The following KLHL1 variants were observed in gnomAD, a reference collection of about 807,000 sequenced individuals.
The protein encoded by KLHL1 is kelch-like protein 1.
In KLHL1, 47 loss-of-function variants were observed where a neutral mutation model predicts 77.7. That is an observed-to-expected ratio of 0.60 (90% confidence interval 0.48 to 0.77). The LOEUF (loss-of-function observed/expected upper bound fraction) is 0.77. KLHL1 is among the 30% of genes least tolerant of loss of function. KLHL1 has a pLI of 0.00. For missense variants in KLHL1, 925 were observed against 910.8 expected, an observed-to-expected ratio of 1.02 and a Z score of -0.20; for synonymous variants, 360 against 325.2, an observed-to-expected ratio of 1.11 and a Z score of -1.15.
intron 1 of KLHL1, among the ~76,000 whole-genome samples, chr13:70,106,339 A>G (rs1313153033): frequency 6.6e-6 from 1 of 152,160 alleles, no homozygotes; most frequent in Non-Finnish European, 1.5e-5. Context: ...TATCCTGACT[A>G]TATTCCAAAA....
At chr13:69,740,701 C>A in intron 7 of KLHL1, 145 bp from the exon 8 acceptor site, 1 of 519,590 alleles carries the variant, frequency 1.9e-6, no homozygotes. Context: ...ATTTATTTCA[C>A]AGTGAGATTT....
intron 1 of KLHL1, among the ~76,000 whole-genome samples, chr13:70,086,572 C>CAAA (rs1211467536): frequency 2.7e-5 from 1 of 36,748 alleles, no homozygotes; most frequent in Non-Finnish European, 5.0e-5. Context: ...AGCTCTGTCT[C>CAAA]AAAAAAAAAA....
intron 9 of KLHL1, among the ~76,000 whole-genome samples, chr13:69,715,525 ATTTT>A (rs74759894): frequency 3.6e-4 from 48 of 132,442 alleles, no homozygotes; most frequent in Non-Finnish European, 7.1e-4. Flanking sequence ...TTTATTATTT[ATTTT>A]TTTTTTTTTG....
At chr13:69,966,488 T>A (rs190935003) in intron 2 of KLHL1, among the ~76,000 whole-genome samples, 71 of 152,320 alleles carry the variant, frequency 4.7e-4, no homozygotes, top group African/African-American at 1.7e-3. Context: ...CTGACAGAGA[T>A]GTACAAGGAG....
At chr13:69,918,171 T>C (rs926954987) in intron 4 of KLHL1, among the ~76,000 whole-genome samples, 7 of 152,234 alleles carry the variant, frequency 4.6e-5, no homozygotes, top group African/African-American at 1.7e-4. Context: ...CATGATTGTT[T>C]ATCTGAAATA....
chr13:69,905,363 T>A (rs1882011611), intron 4 of KLHL1, among the ~76,000 whole-genome samples: 1 of 152,130 alleles, frequency 6.6e-6, no homozygotes, highest in Non-Finnish European at 1.5e-5. Context: ...CACCATGCAC[T>A]GAACTTGGGG....
rs763233627 is a variant in KLHL1 at position 69,961,309 on chromosome 13, T to G, written c.816A>C (p.Thr272=). The stretch of plus-strand genomic sequence containing the variant: ...GATGTTATAATTATTTTGCCATACC[T>G]GTATATGCAAATTGGACAAGGTCCC... The part of the protein sequence containing the change: ...ALWDLVQFAY[T]GCLELKEDTI... Residue 272 remains threonine (T), a splice_region_variant and synonymous_variant, in exon 3 of 11, where the codon ACA becomes ACC. Transcript: ENST00000377844. The G allele has an allele frequency of 6.2e-7, 1 of 1,610,086 alleles. No individual in the cohort carries two copies. Among genetic ancestry groups the G allele is most frequent in the Middle Eastern group, 1.7e-4 (1 of 6,040 alleles).
At chr13:70,068,494 ATT>A (rs1566548395) in intron 1 of KLHL1, among the ~76,000 whole-genome samples, 3 of 73,700 alleles carry the variant, frequency 4.1e-5, no homozygotes, top group African/African-American at 2.0e-4. Flanking sequence ...AGTGGCACAT[ATT>A]TGAGTTTCAG....
At chr13:69,772,086 G>A (rs1231352394) in intron 7 of KLHL1, among the ~76,000 whole-genome samples, 1 of 151,968 alleles carries the variant, frequency 6.6e-6, no homozygotes, top group Non-Finnish European at 1.5e-5. Flanking sequence ...CGAGTAGCTG[G>A]GATTACAGGC....
At chr13:69,775,157 T>C (rs1009488541) in intron 7 of KLHL1, among the ~76,000 whole-genome samples, 2 of 152,132 alleles carry the variant, frequency 1.3e-5, no homozygotes, top group Non-Finnish European at 1.5e-5. Flanking sequence ...CAGGCAGGAC[T>C]AAGTGCCTGT....
At chr13:69,886,981 G>A (rs575504768) in intron 4 of KLHL1, among the ~76,000 whole-genome samples, 104 of 152,194 alleles carry the variant, frequency 6.8e-4, no homozygotes, top group African/African-American at 2.2e-3. Context: ...AGAAAGATGA[G>A]TTCTTAGGAG....
chr13:70,002,274 G>A (rs986099063), intron 1 of KLHL1, among the ~76,000 whole-genome samples: 5 of 151,564 alleles, frequency 3.3e-5, no homozygotes, highest in African/African-American at 1.2e-4. Context: ...TGTTTGAACA[G>A]CAGACAAGGT....
intron 6 of KLHL1, among the ~76,000 whole-genome samples, chr13:69,807,640 C>T (rs1211812692): frequency 6.6e-6 from 1 of 152,092 alleles, no homozygotes; most frequent in African/African-American, 2.4e-5. Context: ...TGACTGGTGG[C>T]AATGGCAGGC....
At position 70,080,323 on chromosome 13, in the gene KLHL1, A is replaced by G. The variant is rs112201018; in HGVS notation, c.497+26880T>C. 7.2e-3 allele frequency among the ~76,000 whole-genome samples: 1,094 copies of G among 152,302 alleles called. 11 individuals carry two copies. Among genetic ancestry groups the G allele is most frequent in the African/African-American group, 0.024 (1,005 of 41,562 alleles). ...GCAGCCATTAAGTGACCACAGGATC[A>G]TTTATACTTCCCCAAATGAAATCAT... On this transcript the variant is annotated intron_variant, in intron 1 of 10. Coordinates refer to ENST00000377844, the MANE Select transcript of KLHL1 (RefSeq NM_020866.3).
At chr13:69,743,538 A>T (rs1427260773) in intron 7 of KLHL1, among the ~76,000 whole-genome samples, 1 of 152,232 alleles carries the variant, frequency 6.6e-6, no homozygotes, top group African/African-American at 2.4e-5. Flanking sequence ...TAATCCTGAC[A>T]CTTTGAGAGG....
intron 1 of KLHL1, among the ~76,000 whole-genome samples, chr13:70,012,109 C>A (rs772744411): frequency 6.6e-6 from 1 of 152,086 alleles, no homozygotes; most frequent in Non-Finnish European, 1.5e-5. Context: ...TATCTCCCAT[C>A]GAGTCCCTCC....
At chr13:70,103,376 G>A (rs749370840) in intron 1 of KLHL1, among the ~76,000 whole-genome samples, 21 of 152,222 alleles carry the variant, frequency 1.4e-4, no homozygotes, top group Middle Eastern at 3.4e-3. Context: ...ATCAGTTGGC[G>A]TCCATAGTAT....
intron 8 of KLHL1, among the ~76,000 whole-genome samples, chr13:69,733,951 A>T (rs1415264953): frequency 6.6e-6 from 1 of 152,152 alleles, no homozygotes; most frequent in Non-Finnish European, 1.5e-5. Flanking sequence ...GAAATATCCA[A>T]CTACACTCAG....
chr13:69,765,984 G>C (rs960642758), intron 7 of KLHL1, among the ~76,000 whole-genome samples: 6 of 152,168 alleles, frequency 3.9e-5, no homozygotes, highest in East Asian at 3.9e-4. Context: ...AACAGATTCA[G>C]CTGGGGAAGA....
Sources: allele counts gnomAD v4.1 joint callset (sites outside exome capture counted in the v4.1 genomes callset), GRCh38; gene constraint gnomAD v4.1.1; transcripts MANE v1.5; gene names NCBI Gene and HGNC (gene_info 2026-07-23, HGNC 2026-07-21).